MACF1: variants seen among roughly 807,000 people sequenced by gnomAD.
The protein encoded by MACF1 is microtubule-actin cross-linking factor 1.
MACF1 carries 193 observed loss-of-function variants against 854.8 expected under a neutral mutation model. The ratio of observed to expected loss-of-function variants is 0.23; its 90% CI spans 0.20 to 0.25. The LOEUF (loss-of-function observed/expected upper bound fraction) is 0.25, where lower values mean the gene tolerates loss of function less well. Ranked by LOEUF, MACF1 falls within the 10% of genes least tolerant of loss-of-function variation. The pLI is 1.00. For missense variants in MACF1, 7,722 were observed against 8,929.1 expected (o/e 0.86, Z 5.45); for synonymous variants, 3,185 against 3,226.7 (o/e 0.99, Z 0.44).
At chr1:39,293,740 C>G in intron 18 of MACF1, 121 bp downstream of exon 18, 1 of 837,828 alleles carries the variant, frequency 1.2e-6, no homozygotes, top group South Asian at 2.2e-5. Flanking sequence ...AAATAGGGGC[C>G]CTACTCAATG....
intron 1 of MACF1, among the ~76,000 whole-genome samples, chr1:39,230,475 A>G (rs904190530): frequency 2.6e-5 from 4 of 152,056 alleles, no homozygotes; most frequent in African/African-American, 4.8e-5. Flanking sequence ...TGGTCTAGAA[A>G]TGGCTCTGGG....
chr1:39,269,794 G>A, intron 6 of MACF1: 8 of 1,159,578 alleles, frequency 6.9e-6, no homozygotes, highest in Non-Finnish European at 8.9e-6. Context: ...AAAGCTGAGT[G>A]TGGTGAGCAG....
intron 33 of MACF1, among the ~76,000 whole-genome samples, chr1:39,323,598 A>G (rs2148456414): frequency 6.6e-6 from 1 of 152,128 alleles, no homozygotes; most frequent in African/African-American, 2.4e-5. Context: ...ATTTCTGGGG[A>G]AATAACGTTA....
chr1:39,427,700 A>T, intron 62 of MACF1, 86 bp downstream of exon 62: 2 of 1,370,486 alleles, frequency 1.5e-6, no homozygotes, highest in Non-Finnish European at 2.0e-6. Flanking sequence ...ATTCTAGAGG[A>T]TGTGTGTTTT....
chr1:39,092,014 A>G (rs1039571568), intron 2 of MACF1, among the ~76,000 whole-genome samples: 1 of 152,210 alleles, frequency 6.6e-6, no homozygotes, highest in Non-Finnish European at 1.5e-5. Flanking sequence ...GAACTGAGCT[A>G]CGTTGCAAGT....
chr1:39,378,543 A>C lies in MACF1; in HGVS notation c.13276+20A>C, dbSNP rs1248086796. The C allele has an allele frequency of 4.3e-6, 7 of 1,611,338 alleles. No individual in the cohort carries two copies. The South Asian group carries it at 7.7e-5, about 18-fold the overall frequency. On this transcript the variant is annotated intron_variant, in intron 53 of 100. Transcript: ENST00000564288. ...GCAAAGGTGAGAATGCCATTTCAAC[A>C]GTGCTTCTTTGTTGGATGTGTTAGG...
intron 1 of MACF1, among the ~76,000 whole-genome samples, chr1:39,209,956 G>T (rs1644496746): frequency 6.6e-6 from 1 of 152,078 alleles, no homozygotes; most frequent in Admixed American, 6.6e-5. Context: ...TGGGTGTGGT[G>T]GTGTGCGCCT....
rs1198910033 is a variant in MACF1 at position 39,430,756 on chromosome 1, G to T, written c.17185G>T (p.Val5729Leu). The T allele has an allele frequency of 6.2e-7, 1 of 1,612,294 alleles. No homozygotes were observed. The change falls in exon 66 of 101, where the codon GTG (valine) becomes TTG (leucine). Residue 5729 changes from valine to leucine, a missense_variant. Around this residue, in one of 15 missense-constraint regions of MACF1, gnomAD observed 2,807 missense variants for 3,235.8 expected, o/e 0.87. Transcript: ENST00000564288. The part of the protein sequence containing the change: ...HRLVLDTVNE[V>L]SRALLELVPW... Reference sequence around the variant, plus strand: ...GCTGGTGTTGGACACAGTGAATGAGGTGAGCCGTGCTCTCTTAGAGCTGGT... The same window carrying T: ...GCTGGTGTTGGACACAGTGAATGAGTTGAGCCGTGCTCTCTTAGAGCTGGT...
chr1:39,170,978 C>A (rs1643940369), intron 2 of MACF1, among the ~76,000 whole-genome samples: 1 of 152,142 alleles, frequency 6.6e-6, no homozygotes, highest in East Asian at 1.9e-4. Flanking sequence ...TGTTCTGGCG[C>A]CTGGTAGCTA....
At chr1:39,096,183 C>T (rs1432950738) in intron 2 of MACF1, among the ~76,000 whole-genome samples, 2 of 117,432 alleles carry the variant, frequency 1.7e-5, no homozygotes, top group African/African-American at 7.4e-5. Flanking sequence ...GACCCTGTCT[C>T]AAAAAAAAAA....
chr1:39,341,351 A>T (rs1646931815), intron 40 of MACF1, among the ~76,000 whole-genome samples: 1 of 151,676 alleles, frequency 6.6e-6, no homozygotes, highest in Non-Finnish European at 1.5e-5. Flanking sequence ...TTTCTTAGAA[A>T]GTCTGATTTT....
intron 90 of MACF1, 30 bp from the exon 91 acceptor site, chr1:39,459,056 T>C: frequency 6.3e-7 from 1 of 1,594,224 alleles, no homozygotes; most frequent in African/African-American, 1.3e-5. Context: ...TAACCAGCTG[T>C]TCTAATCTTG....
chr1:39,395,003 T>C (rs1043306744), intron 58 of MACF1, among the ~76,000 whole-genome samples: 28 of 151,528 alleles, frequency 1.8e-4, no homozygotes, highest in African/African-American at 6.8e-4. Flanking sequence ...GGAACTAGGG[T>C]CCAAGGAAAT....
At chr1:39,365,450 T>G (rs1286899910) in intron 49 of MACF1, among the ~76,000 whole-genome samples, 1 of 152,126 alleles carries the variant, frequency 6.6e-6, no homozygotes, top group Non-Finnish European at 1.5e-5. Flanking sequence ...ATTGGAGCAC[T>G]TCAGATTTCA....
intron 2 of MACF1, among the ~76,000 whole-genome samples, chr1:39,126,341 C>G (rs74393525): frequency 0.024 from 3,668 of 152,244 alleles, 79 homozygotes; most frequent in East Asian, 0.13. Flanking sequence ...TTCAAATGTC[C>G]CCTTTTTATA....
upstream of MACF1, among the ~76,000 whole-genome samples, chr1:39,202,604 C>T (rs1375796899): frequency 6.6e-6 from 1 of 151,542 alleles, no homozygotes; most frequent in Non-Finnish European, 1.5e-5. Context: ...CACTGCACTC[C>T]AGCCTGGGCA....
In MACF1 at chr1:39,324,487, T is replaced by C. The variant is rs530371878; in HGVS notation, c.4389+142T>C. 206 of 1,155,826 alleles carry C rather than the reference T, an allele frequency of 1.8e-4. No individual in the cohort carries two copies. In the South Asian group the frequency reaches 2.2e-3, roughly 12 times the overall value. 71.6% of individuals were successfully genotyped at this position (1,155,826 alleles called of 1,614,324 possible). ...GTTAAAGAAACTTAAGAAGCCATCT[T>C]GTTTGTTCTTGTACCTTTTTATCAG... On this transcript the variant is annotated intron_variant, in intron 34 of 100. Transcript: ENST00000564288.
intron 99 of MACF1, among the ~76,000 whole-genome samples, chr1:39,484,391 G>T (rs1645069011): frequency 6.6e-6 from 1 of 150,896 alleles, no homozygotes; most frequent in African/African-American, 2.4e-5. Context: ...AAGACATTTT[G>T]AAATTTTTAT....
intron 58 of MACF1, among the ~76,000 whole-genome samples, chr1:39,403,711 A>G (rs1439164932): frequency 6.6e-6 from 1 of 152,004 alleles, no homozygotes; most frequent in Non-Finnish European, 1.5e-5. Flanking sequence ...TACTAGGTGT[A>G]TTATTCTGAA....
Sources: allele counts gnomAD v4.1 joint callset (sites outside exome capture counted in the v4.1 genomes callset), GRCh38; gene constraint gnomAD v4.1.1; regional missense constraint gnomAD v4.1.1; transcripts MANE v1.5; gene names NCBI Gene and HGNC (gene_info 2026-07-23, HGNC 2026-07-21).